The following SLC17A6 variants were observed in gnomAD, a reference collection of about 807,000 sequenced individuals.
SLC17A6 encodes solute carrier family 17 member 6, also known as vesicular glutamate transporter 2.
Under a neutral mutation model 67.1 loss-of-function variants are expected in SLC17A6, and 35 were observed. The observed-to-expected ratio is 0.52, with a 90% confidence interval of 0.40 to 0.69. SLC17A6 has a LOEUF of 0.69. Ranked by LOEUF, SLC17A6 falls within the 30% of genes least tolerant of loss-of-function variation. SLC17A6 has a pLI of 0.00. For missense variants in SLC17A6, 588 were observed against 723.9 expected (o/e 0.81, Z 2.15); for synonymous variants, 285 against 252.3 (o/e 1.13, Z -1.23).
intron 2 of SLC17A6, among the ~76,000 whole-genome samples, chr11:22,342,167 C>A (rs1013416983): frequency 4.6e-5 from 7 of 152,214 alleles, no homozygotes; most frequent in African/African-American, 1.7e-4. Flanking sequence ...CCAAAACATT[C>A]TTAATATTCA....
chr11:22,365,283 A>G (rs1050498906), intron 6 of SLC17A6, among the ~76,000 whole-genome samples: 2 of 152,156 alleles, frequency 1.3e-5, no homozygotes, highest in Non-Finnish European at 2.9e-5. Flanking sequence ...CTTCCAAACT[A>G]CACCATTCTA....
At position 22,345,908 on chromosome 11, in the gene SLC17A6, G is replaced by A. The variant is rs142932751; in HGVS notation, c.458+2543G>A. 4.5e-3 allele frequency among the ~76,000 whole-genome samples: 679 copies of A among 152,170 alleles called. 8 individuals are homozygous for A. Among genetic ancestry groups the A allele is most frequent in the African/African-American group, 0.016 (657 of 41,528 alleles). ...TGAATGTCCAACTAGTACTACAAAT[G>A]CTACATAGAATTTTACCTTAGAAGA... On this transcript the variant is annotated intron_variant, in intron 3 of 11. Transcript: ENST00000263160.
At chr11:22,350,560 A>G (rs1218046725) in intron 3 of SLC17A6, among the ~76,000 whole-genome samples, 1 of 152,210 alleles carries the variant, frequency 6.6e-6, no homozygotes, top group East Asian at 1.9e-4. Context: ...AGCGACTGTA[A>G]TACTGTCCTT....
intron 10 of SLC17A6, 55 bp downstream of exon 10, chr11:22,376,147 T>A: frequency 8.4e-7 from 1 of 1,195,860 alleles, no homozygotes; most frequent in African/African-American, 1.5e-5. Context: ...TGACTGCTGA[T>A]AAAAGACACA....
intron 8 of SLC17A6, among the ~76,000 whole-genome samples, chr11:22,373,441 G>A (rs536734657): frequency 3.6e-4 from 54 of 151,910 alleles, no homozygotes; most frequent in Admixed American, 1.6e-3. Flanking sequence ...TTCTCAGGAT[G>A]CTAGTCTCAA....
At chr11:22,358,644 T>G (rs1424092278) in intron 3 of SLC17A6, among the ~76,000 whole-genome samples, 1 of 152,150 alleles carries the variant, frequency 6.6e-6, no homozygotes, top group African/African-American at 2.4e-5. Flanking sequence ...AGAAGATTTT[T>G]TTTTCTTTTT....
chr11:22,363,912 T>C (rs191974946), intron 6 of SLC17A6, among the ~76,000 whole-genome samples: 2 of 152,162 alleles, frequency 1.3e-5, no homozygotes, highest in African/African-American at 4.8e-5. Context: ...CAAGTTGGTA[T>C]GGCTATCCAA....
chr11:22,348,574 G>C (rs1346700656), intron 3 of SLC17A6, among the ~76,000 whole-genome samples: 1 of 152,114 alleles, frequency 6.6e-6, no homozygotes, highest in East Asian at 1.9e-4. Context: ...TGTCAGTTTG[G>C]GCTCTTAGAA....
At chr11:22,362,664 C>T in intron 5 of SLC17A6, 75 bp from the exon 6 acceptor site, 1 of 1,256,550 alleles carries the variant, frequency 8.0e-7, no homozygotes, top group East Asian at 2.3e-5. Context: ...TGTGAATCAA[C>T]AAAGGAATGT....
chr11:22,367,298 T>C (rs1235654451), intron 7 of SLC17A6, among the ~76,000 whole-genome samples: 3 of 151,976 alleles, frequency 2.0e-5, no homozygotes, highest in South Asian at 2.1e-4. Flanking sequence ...AAAAAAAGTC[T>C]ATCACCCATT....
chr11:22,364,740 G>C (rs1299485793), intron 6 of SLC17A6, among the ~76,000 whole-genome samples: 1 of 152,120 alleles, frequency 6.6e-6, no homozygotes, highest in African/African-American at 2.4e-5. Flanking sequence ...ATGGCCAACT[G>C]CTGGGAAATT....
At chr11:22,346,860 CA>C (rs924517533) in intron 3 of SLC17A6, among the ~76,000 whole-genome samples, 26 of 148,384 alleles carry the variant, frequency 1.8e-4, no homozygotes, top group Admixed American at 2.7e-4. Flanking sequence ...TATAAATATA[CA>C]TTTTTTTTGC....
In SLC17A6 at chr11:22,377,830, CA is replaced by C; in HGVS notation, c.*92del. 9.5e-7 allele frequency: 1 copy of C among 1,052,002 alleles called. No individual in the cohort carries two copies. The highest frequency in any genetic ancestry group is 2.6e-5 in the East Asian group (1 of 37,972). 65.2% of individuals were successfully genotyped at this position (1,052,002 alleles called of 1,614,324 possible). ...TTTAAAAACACGTGATGTAAACTTGCAAGCATATCAACCAGGCAAGTCTTGC... is the reference window on the plus strand; with the variant it reads ...TTTAAAAACACGTGATGTAAACTTGCAGCATATCAACCAGGCAAGTCTTGC... On this transcript the variant is annotated 3_prime_UTR_variant, in exon 12 of 12. Transcript: ENST00000263160.
intron 3 of SLC17A6, among the ~76,000 whole-genome samples, chr11:22,350,790 C>G (rs1855929125): frequency 6.6e-6 from 1 of 152,118 alleles, no homozygotes; most frequent in African/African-American, 2.4e-5. Context: ...AAATACCAGA[C>G]TGCTTGAGAT....
intron 3 of SLC17A6, among the ~76,000 whole-genome samples, chr11:22,358,314 GTGTT>G (rs200535807): frequency 2.4e-4 from 36 of 152,100 alleles, no homozygotes; most frequent in East Asian, 1.6e-3. Context: ...CATTATAGAA[GTGTT>G]TGTTTGTTTG....
chr11:22,370,927 A>C (rs1255972804), intron 8 of SLC17A6, among the ~76,000 whole-genome samples: 1 of 152,092 alleles, frequency 6.6e-6, no homozygotes, highest in Non-Finnish European at 1.5e-5. Flanking sequence ...TTATATAGGA[A>C]CTCGAAATTT....
intron 3 of SLC17A6, among the ~76,000 whole-genome samples, chr11:22,346,162 A>G (rs1855873281): frequency 6.6e-6 from 1 of 152,118 alleles, no homozygotes; most frequent in Non-Finnish European, 1.5e-5. Context: ...CTCTAGGTGT[A>G]AAAGAGTCTC....
At chr11:22,371,545 G>A (rs561828403) in intron 8 of SLC17A6, among the ~76,000 whole-genome samples, 13 of 151,356 alleles carry the variant, frequency 8.6e-5, no homozygotes, top group South Asian at 2.1e-4. Flanking sequence ...GGAGGTGTGC[G>A]TCCATTTTCA....
At chr11:22,342,580 G>A (rs1008460731) in intron 2 of SLC17A6, among the ~76,000 whole-genome samples, 4 of 152,088 alleles carry the variant, frequency 2.6e-5, no homozygotes, top group Admixed American at 6.6e-5. Context: ...GTTCCCCTCG[G>A]GGAGTCACCC....
Sources: gnomAD v4.1 joint callset for allele counts (sites outside exome capture counted in the v4.1 genomes callset) on GRCh38, gnomAD v4.1.1 for gene constraint, MANE v1.5 for transcripts, NCBI Gene and HGNC (gene_info 2026-07-23, HGNC 2026-07-21) for gene names.